ABCD3: variants seen among roughly 807,000 people sequenced by gnomAD.
ABCD3 encodes ATP-binding cassette sub-family D member 3.
ABCD3 carries 41 observed loss-of-function variants against 105.5 expected under a neutral mutation model. The observed-to-expected ratio is 0.39, with a 90% CI of 0.30 to 0.50. The LOEUF (loss-of-function observed/expected upper bound fraction) is 0.50, where lower values mean the gene tolerates loss of function less well. ABCD3 is among the 20% of genes least tolerant of loss of function. The probability of loss-of-function intolerance (pLI) is 0.84; values close to 1 mark genes in which losing one functional copy is unlikely to be tolerated. For synonymous variants in ABCD3, 258 were observed against 269.0 expected (o/e 0.96, Z 0.40); for missense variants, 622 against 806.3 (o/e 0.77, Z 2.77).
intron 1 of ABCD3, among the ~76,000 whole-genome samples, chr1:94,448,368 A>G (rs963104802): frequency 6.6e-6 from 1 of 152,250 alleles, no homozygotes; most frequent in Non-Finnish European, 1.5e-5. Flanking sequence ...CCTAAAACGA[A>G]ACTGTTTCAA....
intron 20 of ABCD3, among the ~76,000 whole-genome samples, chr1:94,505,533 A>G (rs1398385948): frequency 6.6e-6 from 1 of 151,994 alleles, no homozygotes; most frequent in Non-Finnish European, 1.5e-5. Flanking sequence ...ATATATCTGG[A>G]AATTTGAGAA....
chr1:94,459,529 A>C (rs1647766464), intron 2 of ABCD3, among the ~76,000 whole-genome samples: 1 of 152,208 alleles, frequency 6.6e-6, no homozygotes, highest in Non-Finnish European at 1.5e-5. Flanking sequence ...TATTTTTTAC[A>C]TTAAGTGGAA....
chr1:94,435,375 A>G (rs1002741395), intron 1 of ABCD3, among the ~76,000 whole-genome samples: 2 of 152,160 alleles, frequency 1.3e-5, no homozygotes, highest in Non-Finnish European at 2.9e-5. Context: ...CCCTGTGTCT[A>G]TAAAAAGTAA....
At chr1:94,458,086 C>T (rs1464807875) in intron 1 of ABCD3, among the ~76,000 whole-genome samples, 1 of 152,172 alleles carries the variant, frequency 6.6e-6, no homozygotes, top group East Asian at 1.9e-4. Flanking sequence ...GAACCTTGGG[C>T]ATACTGCTTA....
At position 94,453,600 on chromosome 1, in the gene ABCD3, G is replaced by A. The variant is rs374791323; in HGVS notation, c.111-5007G>A. Among the ~76,000 whole-genome samples the A allele has an allele frequency of 1.2e-4, 19 of 152,062 alleles. No individual in the cohort carries two copies. The South Asian group carries it at 1.7e-3, about 13-fold the overall frequency. On this transcript the variant is annotated intron_variant, in intron 1 of 22. Coordinates refer to ENST00000370214, the MANE Select transcript of ABCD3 (RefSeq NM_002858.4). ...CCCAAAGTGCTGGGATTACAGGCGT[G>A]AGCCACCGCGCCCAGCCGGAAAATT...
At chr1:94,468,159 T>C in intron 4 of ABCD3, 152 bp downstream of exon 4, 1 of 714,814 alleles carries the variant, frequency 1.4e-6, no homozygotes, top group Non-Finnish European at 2.5e-6. Context: ...AAAAAATACT[T>C]AGTGTTTCCC....
intron 1 of ABCD3, chr1:94,432,633 T>C (rs533715767): frequency 2.4e-4 from 36 of 152,288 alleles, no homozygotes; most frequent in African/African-American, 8.7e-4. Context: ...GTCCTTAAGT[T>C]CGAATTAACC....
Position 94,478,149 on chromosome 1 carries a change from T to G in ABCD3, c.628-110T>G, listed in dbSNP as rs966095636. 125 of 711,146 alleles carry G rather than the reference T, an allele frequency of 1.8e-4. 1 individual carries two copies. Among genetic ancestry groups the G allele is most frequent in the Non-Finnish European group, 5.4e-5 (22 of 405,666 alleles). 44.1% of individuals were successfully genotyped at this position (711,146 alleles called of 1,614,324 possible). A position where few individuals can be genotyped will look rare whatever the true frequency, so the allele number is the denominator to read the frequency against. On this transcript the variant is annotated intron_variant, in intron 7 of 22. Transcript: ENST00000370214. ...TGTACATAGTGGGACCTCTACATGT[T>G]GATAATTATATATTAAATGTTTAAT...
intron 5 of ABCD3, 97 bp from the exon 6 acceptor site, chr1:94,475,046 G>A (rs113004664): frequency 1.1e-4 from 91 of 803,654 alleles, no homozygotes; most frequent in African/African-American, 1.1e-3. Flanking sequence ...TATAAAAATT[G>A]TAGGATTTGG....
At position 94,517,064 on chromosome 1, in the gene ABCD3, A is replaced by G. The variant is rs151290108; in HGVS notation, c.1915A>G (p.Met639Val). Residue 639 changes from methionine to valine, a missense_variant, in exon 23 of 23, where the codon ATG (methionine) becomes GTG (valine). Coordinates refer to ENST00000370214, the MANE Select transcript of ABCD3 (RefSeq NM_002858.4). ...LWKHHEYYLH[M>V]DGRGNYEFKQ... ...TTCTTTCCCATAGTACTACCTGCAT[A>G]TGGATGGCAGAGGCAACTATGAATT... is the stretch of plus-strand genomic sequence containing the variant. 9 of 1,610,094 alleles carry G rather than the reference A, an allele frequency of 5.6e-6. No homozygotes were observed. The African/African-American group carries it at 6.7e-5, about 12-fold the overall frequency.
At chr1:94,488,055 G>T in intron 13 of ABCD3, 72 bp downstream of exon 13, 2 of 1,284,102 alleles carry the variant, frequency 1.6e-6, no homozygotes, top group Non-Finnish European at 2.2e-6. Flanking sequence ...GATTGTATCA[G>T]TTGAGATTAA....
chr1:94,390,248 T>C, the ABCD3 span, among the ~76,000 whole-genome samples: 2 of 152,136 alleles, frequency 1.3e-5, no homozygotes, highest in Non-Finnish European at 2.9e-5. Context: ...GGTAATTAGT[T>C]GAGAATATAA....
chr1:94,441,474 A>G (rs1660132841), intron 1 of ABCD3, among the ~76,000 whole-genome samples: 2 of 152,188 alleles, frequency 1.3e-5, no homozygotes, highest in Admixed American at 1.3e-4. Context: ...GTATGCATTT[A>G]TGTATTGACT....
upstream of ABCD3, among the ~76,000 whole-genome samples, chr1:94,414,039 G>A (rs547033221): frequency 6.6e-6 from 1 of 152,128 alleles, no homozygotes; most frequent in Non-Finnish European, 1.5e-5. Context: ...TTCAAGGGAA[G>A]ACTACAGAAG....
chr1:94,387,915 G>C, the ABCD3 span, among the ~76,000 whole-genome samples: 1,296 of 152,112 alleles, frequency 8.5e-3, 20 homozygotes, highest in African/African-American at 0.03. Context: ...AATACCCAAG[G>C]TGCTTTCTGT....
the ABCD3 span, among the ~76,000 whole-genome samples, chr1:94,408,794 G>C: frequency 6.6e-6 from 1 of 152,094 alleles, no homozygotes; most frequent in African/African-American, 2.4e-5. Context: ...ATGAGAGACT[G>C]ACATGATCAT....
chr1:94,396,113 T>C, the ABCD3 span, among the ~76,000 whole-genome samples: 1 of 152,206 alleles, frequency 6.6e-6, no homozygotes, highest in African/African-American at 2.4e-5. Flanking sequence ...AGCTTTAGAC[T>C]CTGTGCTGTG....
chr1:94,432,773 A>G (rs528095671), intron 1 of ABCD3: 1 of 152,348 alleles, frequency 6.6e-6, no homozygotes, highest in East Asian at 1.9e-4. Context: ...GAAATTCATT[A>G]TTAAAATTCT....
intron 1 of ABCD3, among the ~76,000 whole-genome samples, chr1:94,432,832 A>G (rs920982139): frequency 4.0e-5 from 6 of 150,192 alleles, no homozygotes; most frequent in Non-Finnish European, 1.5e-5. Context: ...ATGTCTTCTG[A>G]GAAATGCACT....
Sources: allele counts gnomAD v4.1 joint callset (sites outside exome capture counted in the v4.1 genomes callset), GRCh38; gene constraint gnomAD v4.1.1; transcripts MANE v1.5; gene names NCBI Gene and HGNC (gene_info 2026-07-23, HGNC 2026-07-21).